Variants in OR2AJ1 observed in about 807,000 individuals in gnomAD.
OR2AJ1 encodes the protein olfactory receptor family 2 subfamily AJ member 1.
For synonymous variants in OR2AJ1, 105 were observed against 60.3 expected (o/e 1.74, Z -3.44); for missense variants, 280 against 163.2 (o/e 1.72, Z -3.90).
At chr1:247,928,913 T>C (rs573743376) in intron 1 of OR2AJ1, among the ~76,000 whole-genome samples, 121 of 152,104 alleles carry the variant, frequency 8.0e-4, no homozygotes, top group African/African-American at 2.7e-3. Context: ...GCTAACACGG[T>C]GAAATCCCGT....
rs770335748 is a variant in OR2AJ1, at chr1:247,934,211, C to T, written c.443C>T (p.Ser148Phe). ...EYASALMAGG[S>F]WLIGVFNSTV... ...GCCAGCGCTCTCATGGCTGGAGGCT[C>T]CTGGCTCATTGGGGTTTTCAACTCC... The change falls in exon 2 of 2, where the codon TCC (serine) becomes TTC (phenylalanine). Residue 148 changes from serine to phenylalanine, a missense_variant. Physicochemically the swap from Ser to Phe is radical, Grantham distance 155. Transcript: ENST00000318244. The T allele has an allele frequency of 2.8e-6, 2 of 718,694 alleles. No homozygotes were observed. The highest frequency in any genetic ancestry group is 1.5e-5 in the South Asian group (1 of 67,704). 44.5% of individuals were successfully genotyped at this position (718,694 alleles called of 1,614,324 possible).
intron 1 of OR2AJ1, among the ~76,000 whole-genome samples, chr1:247,926,322 C>A (rs1303522848): frequency 6.6e-6 from 1 of 151,898 alleles, no homozygotes; most frequent in East Asian, 1.9e-4. Context: ...AGTTGTACAC[C>A]CAGTTGAAAT....
At chr1:247,929,111 T>A (rs1558370372) in intron 1 of OR2AJ1, among the ~76,000 whole-genome samples, 1 of 152,090 alleles carries the variant, frequency 6.6e-6, no homozygotes, top group Non-Finnish European at 1.5e-5. Context: ...AAATGGTGAA[T>A]TAAAACATCA....
intron 1 of OR2AJ1, among the ~76,000 whole-genome samples, chr1:247,927,168 G>A (rs1353835910): frequency 6.6e-6 from 1 of 152,190 alleles, no homozygotes; most frequent in East Asian, 1.9e-4. Flanking sequence ...ACAGGTAACA[G>A]AGTTAAATAG....
At chr1:247,925,774 C>T (rs751552947) in intron 1 of OR2AJ1, among the ~76,000 whole-genome samples, 4 of 151,994 alleles carry the variant, frequency 2.6e-5, no homozygotes, top group African/African-American at 4.8e-5. Context: ...CCTATAAAAG[C>T]GGGTGCTAAA....
chr1:247,927,563 G>GA (rs1210786672), intron 1 of OR2AJ1, among the ~76,000 whole-genome samples: 1 of 147,660 alleles, frequency 6.8e-6, no homozygotes, highest in Non-Finnish European at 1.5e-5. Context: ...TGAAAAGATA[G>GA]AAAAAATTAT....
At chr1:247,927,087 T>A (rs1418857303) in intron 1 of OR2AJ1, among the ~76,000 whole-genome samples, 3 of 152,200 alleles carry the variant, frequency 2.0e-5, no homozygotes, top group African/African-American at 7.2e-5. Flanking sequence ...AAAGCTTATT[T>A]TCTCATCTCT....
Position 247,934,104 on chromosome 1 carries a change from C to A in OR2AJ1, c.336C>A (p.Cys112Ter), listed in dbSNP as rs564416359. 1.3e-5 allele frequency: 9 copies of A among 718,410 alleles called. No homozygotes were observed. The highest frequency in any genetic ancestry group is 1.8e-5 in the Non-Finnish European group (7 of 385,520). 44.5% of individuals were successfully genotyped at this position (718,410 alleles called of 1,614,324 possible). A position where few individuals can be genotyped will look rare whatever the true frequency, so the allele number is the denominator to read the frequency against. Residue 112 changes from cysteine (C) to a stop codon, truncating the protein, a stop_gained, in exon 2 of 2, where the codon TGC becomes TGA. Transcript: ENST00000318244. LOFTEE classifies it low-confidence loss of function (END_TRUNC). ...CCCTCACCCTCCTGGGTGGTGAGTG[C>A]CTTCTCCTGGCTGCAATGTCCTGTG... ...FLSLTLLGGE[C>*]LLLAAMSCDR...
chr1:247,925,366 G>C lies in OR2AJ1; in HGVS notation c.-23+198G>C, dbSNP rs77579085. Among the ~76,000 whole-genome samples the C allele has an allele frequency of 1.1e-4, 16 of 152,278 alleles. No homozygotes were observed. In the East Asian group the frequency reaches 2.9e-3, roughly 28 times the overall value. On this transcript the variant is annotated intron_variant, in intron 1 of 1. Transcript: ENST00000318244. ...GATGTTCTGACAGAGCAGATTCTGAGGGGGAGAGAGTCATCCTCTTTAAGA... is the reference window on the plus strand; with the variant it reads ...GATGTTCTGACAGAGCAGATTCTGACGGGGAGAGAGTCATCCTCTTTAAGA...
At chr1:247,925,659 GTTA>G (rs1660083707) in intron 1 of OR2AJ1, among the ~76,000 whole-genome samples, 1 of 152,132 alleles carries the variant, frequency 6.6e-6, no homozygotes, top group South Asian at 2.1e-4. Context: ...CAAAGTTGTG[GTTA>G]CAGAAAGAGG....
chr1:247,927,497 G>GTGTGT (rs1553341346), intron 1 of OR2AJ1, among the ~76,000 whole-genome samples: 215 of 148,432 alleles, frequency 1.4e-3, no homozygotes, highest in African/African-American at 4.5e-3. Flanking sequence ...ACATTTAGGG[G>GTGTGT]GTGTGTGTGT....
chr1:247,930,734 C>G (rs906605343), intron 1 of OR2AJ1, among the ~76,000 whole-genome samples: 47 of 152,260 alleles, frequency 3.1e-4, no homozygotes, highest in African/African-American at 1.1e-3. Flanking sequence ...TAAAGTCTCA[C>G]ACACACATAC....
chr1:247,933,704 A>G, intron 1 of OR2AJ1, 43 bp from the exon 2 acceptor site: 1 of 553,536 alleles, frequency 1.8e-6, no homozygotes, highest in Non-Finnish European at 3.3e-6. Context: ...TAAGATTTAC[A>G]CTAATATTTT....
chr1:247,934,601 A>G lies in OR2AJ1; in HGVS notation c.833A>G (p.Tyr278Cys), dbSNP rs564121469. 8.1e-5 allele frequency: 58 copies of G among 717,894 alleles called. No homozygotes were observed. The African/African-American group carries it at 9.4e-4, about 12-fold the overall frequency. 44.5% of individuals were successfully genotyped at this position (717,894 alleles called of 1,614,324 possible). ...CAGGATAAGTTCCTGGCAATATTCT[A>G]TACGATCCTCACACCCACACTCAAC... The part of the protein sequence containing the change: ...PGQDKFLAIF[Y>C]TILTPTLNPF... Residue 278 changes from tyrosine (Y) to cysteine (C), a missense_variant, in exon 2 of 2, where the codon TAT becomes TGT. Coordinates refer to ENST00000318244, the MANE Select transcript of OR2AJ1 (RefSeq NM_001355235.2).
At chr1:247,933,006 T>C (rs1224696594) in intron 1 of OR2AJ1, among the ~76,000 whole-genome samples, 1 of 152,246 alleles carries the variant, frequency 6.6e-6, no homozygotes, top group African/African-American at 2.4e-5. Flanking sequence ...ATTTAAAATA[T>C]AGTGTTTCAA....
chr1:247,929,415 C>T (rs1442110173), intron 1 of OR2AJ1, among the ~76,000 whole-genome samples: 5 of 152,100 alleles, frequency 3.3e-5, no homozygotes, highest in Admixed American at 6.6e-5. Context: ...CCCCTCTTTT[C>T]CTCTCCCTAG....
At position 247,932,664 on chromosome 1, in the gene OR2AJ1, T is replaced by C. The variant is rs553381039; in HGVS notation, c.-22-1083T>C. Reference sequence around the variant, plus strand: ...ATTTTTTAATGTTTGTTATTTGTTTTGATGATCATAAAGCATCTTGAAAGA... The same window carrying C: ...ATTTTTTAATGTTTGTTATTTGTTTCGATGATCATAAAGCATCTTGAAAGA... On this transcript the variant is annotated intron_variant, in intron 1 of 1. Transcript: ENST00000318244. Among the ~76,000 whole-genome samples, 8 of 152,338 alleles carry C rather than the reference T, an allele frequency of 5.3e-5. No homozygotes were observed. The South Asian group carries it at 1.7e-3, about 32-fold the overall frequency.
chr1:247,925,740 T>G (rs1021831639), intron 1 of OR2AJ1, among the ~76,000 whole-genome samples: 3 of 152,210 alleles, frequency 2.0e-5, no homozygotes, highest in Non-Finnish European at 4.4e-5. Flanking sequence ...AACTTAATTG[T>G]CATTATAATT....
At chr1:247,925,411 G>C (rs1029079279) in intron 1 of OR2AJ1, among the ~76,000 whole-genome samples, 1 of 152,146 alleles carries the variant, frequency 6.6e-6, no homozygotes, top group African/African-American at 2.4e-5. Context: ...AGTCTCCATG[G>C]AGGGAAGATT....
Sources: gnomAD v4.1 joint callset for allele counts (sites outside exome capture counted in the v4.1 genomes callset) on GRCh38, gnomAD v4.1.1 for gene constraint, MANE v1.5 for transcripts, NCBI Gene and HGNC (gene_info 2026-07-23, HGNC 2026-07-21) for gene names.